The following GRM7 variants were observed in gnomAD, a reference collection of about 807,000 sequenced individuals.
GRM7 encodes the protein glutamate metabotropic receptor 7, also known as metabotropic glutamate receptor 7.
Under a neutral mutation model 84.5 loss-of-function variants are expected in GRM7, and 35 were observed. The observed-to-expected ratio is 0.41, with a 90% CI of 0.32 to 0.55. GRM7 has a LOEUF of 0.55. Among genes scored for constraint, GRM7 ranks in the 20% least tolerant of loss-of-function variants. The pLI is 0.19. For synonymous variants in GRM7, 487 were observed against 455.1 expected (o/e 1.07, Z -0.89); for missense variants, 1,003 against 1,194.6 (o/e 0.84, Z 2.36).
At chr3:7,014,472 G>A (rs1695492282) in intron 1 of GRM7, among the ~76,000 whole-genome samples, 1 of 152,036 alleles carries the variant, frequency 6.6e-6, no homozygotes, top group Admixed American at 6.6e-5. Context: ...TCAAAGAGTA[G>A]CTGGGATTAC....
rs564254289 is a variant in GRM7, at chr3:7,658,538, A to C, written c.2452-21511A>C. ...GAATTCCCAGGAGCAAGCATGTACA[A>C]AATCCAGTGAAACTGACTCACAGTC... On this transcript the variant is annotated intron_variant, in intron 8 of 9. Coordinates refer to ENST00000357716, the MANE Select transcript of GRM7 (RefSeq NM_000844.4). 6.6e-5 allele frequency among the ~76,000 whole-genome samples: 10 copies of C among 152,336 alleles called. No homozygotes were observed. The East Asian group carries it at 1.7e-3, about 26-fold the overall frequency.
At chr3:7,314,537 G>T (rs1700515070) in intron 4 of GRM7, among the ~76,000 whole-genome samples, 1 of 152,098 alleles carries the variant, frequency 6.6e-6, no homozygotes, top group Admixed American at 6.6e-5. Context: ...CACTCTAGCA[G>T]AAGTAGACAG....
chr3:7,535,541 C>G (rs996150990), intron 7 of GRM7, among the ~76,000 whole-genome samples: 3 of 152,172 alleles, frequency 2.0e-5, no homozygotes, highest in African/African-American at 7.2e-5. Flanking sequence ...CTGGCTTCCT[C>G]CATAATTCAA....
chr3:7,548,247 A>G (rs1249311484), intron 7 of GRM7, among the ~76,000 whole-genome samples: 1 of 152,182 alleles, frequency 6.6e-6, no homozygotes, highest in East Asian at 1.9e-4. Flanking sequence ...AGGTCCCATG[A>G]GAGCTGGTTG....
chr3:7,724,632 A>G (rs1163641826), intron 9 of GRM7, among the ~76,000 whole-genome samples: 1 of 152,224 alleles, frequency 6.6e-6, no homozygotes, highest in African/African-American at 2.4e-5. Flanking sequence ...ATACCAGCTG[A>G]AAGCATACAG....
intron 1 of GRM7, among the ~76,000 whole-genome samples, chr3:7,117,572 G>A (rs1693080056): frequency 6.6e-6 from 1 of 152,144 alleles, no homozygotes; most frequent in Non-Finnish European, 1.5e-5. Flanking sequence ...GGTATCAGAA[G>A]ACTTGCACTT....
intron 8 of GRM7, among the ~76,000 whole-genome samples, chr3:7,637,640 A>G (rs990044376): frequency 1.3e-5 from 2 of 152,206 alleles, no homozygotes. Context: ...CATGACATGG[A>G]GTCATTTTAC....
At chr3:6,876,562 G>A (rs947204880) in intron 1 of GRM7, among the ~76,000 whole-genome samples, 2 of 150,994 alleles carry the variant, frequency 1.3e-5, no homozygotes, top group Non-Finnish European at 2.9e-5. Flanking sequence ...TTGAACTCAG[G>A]TCAATGTGAC....
chr3:7,197,278 T>G (rs1695910162), intron 2 of GRM7, among the ~76,000 whole-genome samples: 1 of 152,216 alleles, frequency 6.6e-6, no homozygotes. Flanking sequence ...TCTGCTGATG[T>G]TGTTTATGCC....
chr3:6,878,587 A>T (rs1379308882), intron 1 of GRM7, among the ~76,000 whole-genome samples: 1 of 151,110 alleles, frequency 6.6e-6, no homozygotes, highest in African/African-American at 2.5e-5. Flanking sequence ...CCTCTCAGAC[A>T]TGGAAGAAAA....
chr3:7,722,165 GAA>G (rs1701973130), intron 9 of GRM7, among the ~76,000 whole-genome samples: 1 of 152,160 alleles, frequency 6.6e-6, no homozygotes, highest in Non-Finnish European at 1.5e-5. Flanking sequence ...TCTGTCGAGA[GAA>G]AAGTACTTGA....
chr3:7,396,956 C>A (rs928333200), intron 4 of GRM7, among the ~76,000 whole-genome samples: 1 of 151,818 alleles, frequency 6.6e-6, no homozygotes, highest in African/African-American at 2.4e-5. Context: ...ACAAAAGTAC[C>A]CCAGGAGCCT....
intron 2 of GRM7, among the ~76,000 whole-genome samples, chr3:7,213,729 G>C (rs1045727599): frequency 2.0e-5 from 3 of 151,982 alleles, no homozygotes; most frequent in African/African-American, 7.2e-5. Flanking sequence ...GAGCTGCCCT[G>C]CCTTGAGGCA....
chr3:6,871,185 T>G (rs1244982575), intron 1 of GRM7, among the ~76,000 whole-genome samples: 1 of 152,190 alleles, frequency 6.6e-6, no homozygotes, highest in East Asian at 1.9e-4. Context: ...ACACCATAAC[T>G]ATAAACATTT....
intron 2 of GRM7, among the ~76,000 whole-genome samples, chr3:7,264,262 C>A (rs761091844): frequency 3.3e-5 from 5 of 152,160 alleles, no homozygotes; most frequent in Non-Finnish European, 5.9e-5. Flanking sequence ...GTTAAAGTCT[C>A]TTATGGGAGC....
At chr3:6,951,085 C>A (rs562310496) in intron 1 of GRM7, among the ~76,000 whole-genome samples, 2 of 152,322 alleles carry the variant, frequency 1.3e-5, no homozygotes, top group East Asian at 3.9e-4. Flanking sequence ...GTGAGATGAA[C>A]CCAGTACCTC....
intron 7 of GRM7, among the ~76,000 whole-genome samples, chr3:7,464,138 C>T (rs898745650): frequency 1.1e-4 from 17 of 152,128 alleles, no homozygotes; most frequent in African/African-American, 4.1e-4. Flanking sequence ...GTGCGGGAAG[C>T]CTCAATATTT....
At chr3:7,361,896 A>T (rs995329681) in intron 4 of GRM7, among the ~76,000 whole-genome samples, 1 of 152,100 alleles carries the variant, frequency 6.6e-6, no homozygotes, top group African/African-American at 2.4e-5. Context: ...CAGTCTTAGA[A>T]ATGTACAATT....
intron 7 of GRM7, among the ~76,000 whole-genome samples, chr3:7,577,962 G>A (rs1695042677): frequency 6.6e-6 from 1 of 152,286 alleles, no homozygotes; most frequent in Middle Eastern, 3.4e-3. Flanking sequence ...GATAAGTGTA[G>A]CTTTTCATAC....
Sources: allele counts gnomAD v4.1 joint callset (sites outside exome capture counted in the v4.1 genomes callset), GRCh38; gene constraint gnomAD v4.1.1; transcripts MANE v1.5; gene names NCBI Gene and HGNC (gene_info 2026-07-23, HGNC 2026-07-21).